The following PDIA6 variants were observed in gnomAD, a reference collection of about 807,000 sequenced individuals.
PDIA6 encodes protein disulfide-isomerase A6.
In PDIA6, 29 loss-of-function variants were observed where a neutral mutation model predicts 58.4. The observed-to-expected ratio is 0.50, with a 90% confidence interval of 0.37 to 0.68. The LOEUF (loss-of-function observed/expected upper bound fraction) is 0.68. PDIA6 is among the 30% of genes least tolerant of loss of function. PDIA6 has a pLI of 0.00. For missense variants in PDIA6, 480 were observed against 551.0 expected (o/e 0.87, Z 1.29); for synonymous variants, 192 against 202.6 (o/e 0.95, Z 0.44).
intron 2 of PDIA6, among the ~76,000 whole-genome samples, chr2:10,801,946 G>C (rs1666528024): frequency 6.6e-6 from 1 of 152,166 alleles, no homozygotes; most frequent in Non-Finnish European, 1.5e-5. Context: ...GATACTTGTG[G>C]CCTGCTGGTT....
At chr2:10,795,628 C>T (rs773389595) in intron 4 of PDIA6, among the ~76,000 whole-genome samples, 6 of 152,138 alleles carry the variant, frequency 3.9e-5, no homozygotes, top group Non-Finnish European at 7.3e-5. Flanking sequence ...TTGCACATCC[C>T]CATTATACAG....
At chr2:10,826,319 A>G (rs955113782) in intron 1 of PDIA6, among the ~76,000 whole-genome samples, 1 of 152,122 alleles carries the variant, frequency 6.6e-6, no homozygotes, top group African/African-American at 2.4e-5. Context: ...GAGTTGGGAG[A>G]GGACAGTTGC....
intron 1 of PDIA6, among the ~76,000 whole-genome samples, chr2:10,828,705 G>C (rs950385046): frequency 6.6e-6 from 1 of 152,230 alleles, no homozygotes; most frequent in African/African-American, 2.4e-5. Flanking sequence ...TTCTTCTGAG[G>C]ACAGGCGCTG....
At chr2:10,814,762 C>G (rs1667141918), upstream of PDIA6, among the ~76,000 whole-genome samples, 1 of 152,202 alleles carries the variant, frequency 6.6e-6, no homozygotes, top group Admixed American at 6.5e-5. Context: ...GACATCACAG[C>G]TTCCACAACG....
At chr2:10,801,175 G>A (rs12472302) in intron 2 of PDIA6, among the ~76,000 whole-genome samples, 21,682 of 152,130 alleles carry the variant, frequency 0.14, 1,983 homozygotes, top group Non-Finnish European at 0.21. Flanking sequence ...GTGCTGGGGA[G>A]GCTGAGGTGG....
At chr2:10,835,209 C>A (rs1667806333), upstream of PDIA6, among the ~76,000 whole-genome samples, 1 of 152,190 alleles carries the variant, frequency 6.6e-6, no homozygotes, top group Non-Finnish European at 1.5e-5. Flanking sequence ...AACCGTCCTT[C>A]CAGGCCTCCC....
intron 1 of PDIA6, among the ~76,000 whole-genome samples, chr2:10,826,368 AT>A (rs35611271): frequency 0.54 from 81,057 of 150,126 alleles, 22,078 homozygotes; most frequent in East Asian, 0.79. Context: ...TGAATAATGG[AT>A]TTTTTTTTTT....
At chr2:10,809,645 C>CCA (rs781692164) in intron 1 of PDIA6, among the ~76,000 whole-genome samples, 2 of 64,664 alleles carry the variant, frequency 3.1e-5, no homozygotes, top group East Asian at 1.3e-3. Context: ...GACCCGGTCT[C>CCA]AAAAAAAAAA....
In PDIA6 at chr2:10,784,958, C is replaced by A; in HGVS notation, c.1230G>T (p.Glu410Asp). Residue 410 changes from glutamate to aspartate, a missense_variant, in exon 12 of 13, where the codon GAG (glutamate) becomes GAT (aspartate). Physicochemically the swap from Glu to Asp is conservative, Grantham distance 45. Transcript: ENST00000272227. ...GGAFPTIVER[E>D]PWDGRDGELP... ...CCTCGCCATCCCTGCCGTCCCAAGG[C>A]TCTCTCTCAACGATGGTAGGGAAAG... 6.3e-7 allele frequency: 1 copy of A among 1,590,224 alleles called. No homozygotes were observed. Among genetic ancestry groups the A allele is most frequent in the Non-Finnish European group, 8.6e-7 (1 of 1,166,922 alleles).
At chr2:10,820,114 C>T (rs1168668268) in intron 1 of PDIA6, among the ~76,000 whole-genome samples, 8 of 152,310 alleles carry the variant, frequency 5.3e-5, no homozygotes, top group Middle Eastern at 3.4e-3. Context: ...TTCGTTGTCT[C>T]ATGGTCATGG....
chr2:10,827,728 G>A (rs1376225903), intron 1 of PDIA6, among the ~76,000 whole-genome samples: 1 of 151,684 alleles, frequency 6.6e-6, no homozygotes, highest in Non-Finnish European at 1.5e-5. Flanking sequence ...GGTGGCTGAG[G>A]CAGGAGAATT....
upstream of PDIA6, among the ~76,000 whole-genome samples, chr2:10,816,522 C>T (rs1240302155): frequency 2.2e-5 from 3 of 138,212 alleles, no homozygotes; most frequent in Non-Finnish European, 3.1e-5. Context: ...CCTTTTTGTG[C>T]TTTCTTTTTT....
intron 1 of PDIA6, chr2:10,837,517 C>T (rs1388270263): frequency 2.0e-5 from 14 of 709,028 alleles, no homozygotes; most frequent in Admixed American, 6.0e-5. Context: ...TTATGCAGCA[C>T]ACTTACCACG....
rs1667856233 is a variant in PDIA6, at chr2:10,837,660, C to T, written c.-55G>A. ...TTGCAGCTTGTTCAGGGGCTCCAAG[C>T]TTCTAGGTGGCAGAGCTGGGTCTCA... On this transcript the variant is annotated 5_prime_UTR_variant, in exon 1 of 14. Transcript: ENST00000404824. 1.4e-5 allele frequency: 21 copies of T among 1,485,352 alleles called. 1 individual carries two copies. The highest frequency in any genetic ancestry group is 3.6e-4 in the Middle Eastern group (2 of 5,514). The allele number at this position is 1,485,352 out of a possible 1,614,324, so 92.0% of individuals were successfully genotyped here.
At chr2:10,808,276 C>T (rs1666843963) in intron 1 of PDIA6, among the ~76,000 whole-genome samples, 1 of 152,108 alleles carries the variant, frequency 6.6e-6, no homozygotes, top group Non-Finnish European at 1.5e-5. Context: ...CTAACAAATG[C>T]TACTGGGAGA....
chr2:10,812,768 C>G lies in PDIA6; in HGVS notation c.-72G>C. 1 of 1,334,376 alleles carries G rather than the reference C, an allele frequency of 7.5e-7. No individual in the cohort carries two copies. Among genetic ancestry groups the G allele is most frequent in the Non-Finnish European group, 9.6e-7 (1 of 1,041,916 alleles). The allele number at this position is 1,334,376 out of a possible 1,614,324, so 82.7% of individuals were successfully genotyped here. A position where few individuals can be genotyped will look rare whatever the true frequency, so the allele number is the denominator to read the frequency against. The stretch of plus-strand genomic sequence containing the variant: ...GCCCTGCAGCGTGCCGCACGCCGCG[C>G]CCCCGCGCCCACGTCCCGCCCCAGG... On this transcript the variant is annotated 5_prime_UTR_variant, in exon 1 of 13. Transcript: ENST00000272227.
intron 1 of PDIA6, among the ~76,000 whole-genome samples, chr2:10,820,610 T>C (rs1027161394): frequency 6.6e-6 from 1 of 152,206 alleles, no homozygotes; most frequent in Non-Finnish European, 1.5e-5. Flanking sequence ...TATTCTTCGT[T>C]AGGAAAAAAA....
intron 1 of PDIA6, among the ~76,000 whole-genome samples, chr2:10,831,387 G>A (rs983900424): frequency 2.6e-5 from 4 of 152,160 alleles, no homozygotes; most frequent in African/African-American, 4.8e-5. Context: ...AAGAATCAGC[G>A]GCACTGGTCA....
At chr2:10,802,417 A>G in intron 2 of PDIA6, 82 bp downstream of exon 2, 1 of 887,882 alleles carries the variant, frequency 1.1e-6, no homozygotes, top group Non-Finnish European at 1.6e-6. Context: ...TAGATGTCTT[A>G]ATAAAATCAG....
Sources: gnomAD v4.1 joint callset for allele counts (sites outside exome capture counted in the v4.1 genomes callset) on GRCh38, gnomAD v4.1.1 for gene constraint, MANE v1.5 for transcripts, NCBI Gene and HGNC (gene_info 2026-07-23, HGNC 2026-07-21) for gene names.